The following GPBP1L1 variants were observed in gnomAD, a reference collection of about 807,000 sequenced individuals.
GPBP1L1 encodes GC-rich promoter binding protein 1 like 1, also known as vasculin-like protein 1.
In GPBP1L1, 23 loss-of-function variants were observed where a neutral mutation model predicts 52.5. The observed-to-expected ratio is 0.44, with a 90% confidence interval of 0.32 to 0.62. The LOEUF (loss-of-function observed/expected upper bound fraction) is 0.62. GPBP1L1 is among the 20% of genes least tolerant of loss of function. The probability of loss-of-function intolerance (pLI) is 0.06; values close to 1 mark genes in which losing one functional copy is unlikely to be tolerated. For synonymous variants in GPBP1L1, 243 were observed against 203.1 expected (o/e 1.20, Z -1.67); for missense variants, 596 against 579.3 (o/e 1.03, Z -0.30).
rs1644938424 is a variant in GPBP1L1, at chr1:45,660,761, T to C, written c.-633A>G. On this transcript the variant is annotated 5_prime_UTR_variant, in exon 3 of 13. Transcript: ENST00000355105. ...TCTTACTCATGCAACTGCTAAAAAA[T>C]AGTGTGCAGATATGTATTTATATTT... is the stretch of plus-strand genomic sequence containing the variant. 6.5e-6 allele frequency: 1 copy of C among 153,976 alleles called. No individual in the cohort carries two copies. Among genetic ancestry groups the C allele is most frequent in the East Asian group, 1.9e-4 (1 of 5,206 alleles). 9.5% of individuals were successfully genotyped at this position (153,976 alleles called of 1,614,324 possible). A position where few individuals can be genotyped will look rare whatever the true frequency, so the allele number is the denominator to read the frequency against.
chr1:45,645,787 C>A, intron 6 of GPBP1L1: 4 of 261,100 alleles, frequency 1.5e-5, no homozygotes, highest in South Asian at 7.4e-5. Context: ...TTTTTTGAGG[C>A]ATTTTATTTG....
chr1:45,647,572 C>T (rs1452653856), intron 6 of GPBP1L1, among the ~76,000 whole-genome samples: 1 of 152,208 alleles, frequency 6.6e-6, no homozygotes, highest in Non-Finnish European at 1.5e-5. Context: ...CAGCGGAGAA[C>T]AATGGAGAGA....
At chr1:45,645,992 G>A (rs764627637) in intron 6 of GPBP1L1, 1 of 507,828 alleles carries the variant, frequency 2.0e-6, no homozygotes, top group Non-Finnish European at 3.9e-6. Flanking sequence ...CTCTACACTT[G>A]TTTAGCCTGC....
chr1:45,642,837 A>G (rs1644691445), intron 6 of GPBP1L1, among the ~76,000 whole-genome samples: 1 of 152,350 alleles, frequency 6.6e-6, no homozygotes, highest in East Asian at 1.9e-4. Flanking sequence ...ATGAACAAGA[A>G]TGTGGATCAT....
chr1:45,672,515 G>A (rs149339341), intron 2 of GPBP1L1, among the ~76,000 whole-genome samples: 45 of 146,988 alleles, frequency 3.1e-4, no homozygotes, highest in African/African-American at 1.1e-3. Context: ...AATAATGAGA[G>A]ACAGAAGAAC....
chr1:45,673,883 T>C (rs1216574972), intron 2 of GPBP1L1, among the ~76,000 whole-genome samples: 1 of 152,146 alleles, frequency 6.6e-6, no homozygotes, highest in African/African-American at 2.4e-5. Context: ...AAAAAATTGT[T>C]TTCTACAACA....
chr1:45,635,827 C>T (rs1024897378), intron 8 of GPBP1L1: 1 of 152,212 alleles, frequency 6.6e-6, no homozygotes, highest in African/African-American at 2.4e-5. Context: ...CCCACCTCCT[C>T]TGCCGTTTGC....
chr1:45,633,669 G>A (rs770709682), intron 9 of GPBP1L1, 22 bp from the exon 10 acceptor site: 2 of 1,611,106 alleles, frequency 1.2e-6, no homozygotes, highest in South Asian at 2.2e-5. Context: ...CCACAAACAG[G>A]TTGCTCCTGA....
chr1:45,680,301 C>T (rs1413729434), intron 2 of GPBP1L1, among the ~76,000 whole-genome samples: 4 of 146,466 alleles, frequency 2.7e-5, no homozygotes, highest in Non-Finnish European at 5.9e-5. Flanking sequence ...TTCAATGGCA[C>T]AGTCTTGGCT....
chr1:45,680,537 C>G (rs1466081575), intron 2 of GPBP1L1, among the ~76,000 whole-genome samples: 1 of 152,068 alleles, frequency 6.6e-6, no homozygotes, highest in Non-Finnish European at 1.5e-5. Flanking sequence ...CCATGACCAG[C>G]TGAGACATAC....
chr1:45,667,075 A>C (rs1436996407), intron 2 of GPBP1L1, among the ~76,000 whole-genome samples: 1 of 152,160 alleles, frequency 6.6e-6, no homozygotes, highest in Non-Finnish European at 1.5e-5. Flanking sequence ...ATAGATGAAA[A>C]TTTAGTTTGG....
intron 2 of GPBP1L1, among the ~76,000 whole-genome samples, chr1:45,667,121 G>C (rs1226203636): frequency 6.6e-6 from 1 of 152,176 alleles, no homozygotes; most frequent in Non-Finnish European, 1.5e-5. Flanking sequence ...TAGTGGTGAT[G>C]GTTGCACAAC....
chr1:45,674,990 CTTCA>C lies in GPBP1L1; in HGVS notation c.-1098+10582_-1098+10585del, dbSNP rs199514305. On this transcript the variant is annotated intron_variant, in intron 2 of 12. Coordinates refer to ENST00000355105, the MANE Select transcript of GPBP1L1 (RefSeq NM_021639.5). The stretch of plus-strand genomic sequence containing the variant: ...AGTCCTTTTCTTGTTTTTCTGTGCT[CTTCA>C]TTATCTCATCAATTTTCAAGACTTC... Among the ~76,000 whole-genome samples the C allele has an allele frequency of 3.0e-3, 459 of 152,130 alleles. 4 individuals are homozygous for C. Among genetic ancestry groups the C allele is most frequent in the East Asian group, 0.023 (117 of 5,184 alleles).
chr1:45,660,278 C>G lies in GPBP1L1; in HGVS notation c.-150G>C. ...CTTGTTAAAAGGGTGCTTAAGTAACCTGGCCGGCAGCACGACTTATGATGA... is the reference window on the plus strand; with the variant it reads ...CTTGTTAAAAGGGTGCTTAAGTAACGTGGCCGGCAGCACGACTTATGATGA... On this transcript the variant is annotated 5_prime_UTR_variant, in exon 3 of 13. Transcript: ENST00000355105. 1.0e-6 allele frequency: 1 copy of G among 985,308 alleles called. No individual in the cohort carries two copies. The highest frequency in any genetic ancestry group is 1.2e-6 in the Non-Finnish European group (1 of 829,932). The allele number at this position is 985,308 out of a possible 1,614,324, so 61.0% of individuals were successfully genotyped here.
intron 2 of GPBP1L1, among the ~76,000 whole-genome samples, chr1:45,681,369 TGGGAAACTGCA>T (rs1645210639): frequency 6.6e-6 from 1 of 152,250 alleles, no homozygotes; most frequent in Non-Finnish European, 1.5e-5. Context: ...ATCTAGAATG[TGGGAAACTGCA>T]GGACAAATGA....
At chr1:45,660,043 G>A (rs1184403375) in intron 3 of GPBP1L1, 141 bp downstream of exon 3, 1 of 271,914 alleles carries the variant, frequency 3.7e-6, no homozygotes, top group African/African-American at 2.3e-5. Flanking sequence ...ACTAGCATCA[G>A]TTTTCCTGAG....
intron 2 of GPBP1L1, among the ~76,000 whole-genome samples, chr1:45,683,949 T>C (rs1430506068): frequency 6.7e-6 from 1 of 148,686 alleles, no homozygotes; most frequent in African/African-American, 2.5e-5. Flanking sequence ...AATAAACCAG[T>C]ATACTTATAA....
Position 45,639,628 on chromosome 1 carries a change from G to C in GPBP1L1, c.744+582C>G, listed in dbSNP as rs1332692055. Among the ~76,000 whole-genome samples the C allele has an allele frequency of 4.0e-5, 6 of 150,488 alleles. No individual in the cohort carries two copies. The East Asian group carries it at 1.2e-3, about 30-fold the overall frequency. On this transcript the variant is annotated intron_variant, in intron 8 of 12. Coordinates refer to ENST00000355105, the MANE Select transcript of GPBP1L1 (RefSeq NM_021639.5). ...GTGGCGGCTCACGCCTGTAATCCCA[G>C]CACCTTGGGAGGCCGAGGCGGGCGG... is the stretch of plus-strand genomic sequence containing the variant.
intron 2 of GPBP1L1, among the ~76,000 whole-genome samples, chr1:45,683,583 T>A (rs1190008013): frequency 6.7e-6 from 1 of 150,204 alleles, no homozygotes. Flanking sequence ...TATAAAACAG[T>A]ATCTACTTAG....
Sources: allele counts gnomAD v4.1 joint callset (sites outside exome capture counted in the v4.1 genomes callset), GRCh38; gene constraint gnomAD v4.1.1; transcripts MANE v1.5; gene names NCBI Gene and HGNC (gene_info 2026-07-23, HGNC 2026-07-21).